ABCF1: variants seen among roughly 807,000 people sequenced by gnomAD.
The protein encoded by ABCF1 is ATP-binding cassette sub-family F member 1.
A neutral mutation model predicts 126.3 loss-of-function variants in ABCF1; 73 were observed. The ratio of observed to expected loss-of-function variants is 0.58; its 90% confidence interval spans 0.48 to 0.70. The LOEUF (loss-of-function observed/expected upper bound fraction) is 0.70. Among genes scored for constraint, ABCF1 ranks in the 30% least tolerant of loss-of-function variants. The probability of loss-of-function intolerance (pLI) is 0.00; values close to 1 mark genes in which losing one functional copy is unlikely to be tolerated. For missense variants in ABCF1, 786 were observed against 1,057.5 expected (o/e 0.74, Z 3.56); for synonymous variants, 345 against 396.4 (o/e 0.87, Z 1.54).
intron 7 of ABCF1, 34 bp from the exon 8 acceptor site, chr6:30,580,372 A>C (rs1336909922): frequency 5.7e-6 from 8 of 1,393,056 alleles, no homozygotes; most frequent in East Asian, 2.7e-5. Flanking sequence ...AAAAAAAAAA[A>C]AACATTTCAT....
At chr6:30,571,686 C>A in intron 1 of ABCF1, 126 bp downstream of exon 1, 1 of 1,059,058 alleles carries the variant, frequency 9.4e-7, no homozygotes, top group Non-Finnish European at 1.4e-6. Flanking sequence ...CGCATGCGTG[C>A]CGTGGGCCCG....
intron 14 of ABCF1, 23 bp from the exon 15 acceptor site, chr6:30,585,237 G>C: frequency 6.2e-7 from 1 of 1,606,296 alleles, no homozygotes; most frequent in Non-Finnish European, 8.5e-7. Context: ...CCCTGACCCT[G>C]CCCTCTGCTA....
At position 30,586,492 on chromosome 6, in the gene ABCF1, A is replaced by G; in HGVS notation, c.1904A>G (p.Gln635Arg). The change falls in exon 19 of 25, where the codon CAG (glutamine) becomes CGG (arginine). Residue 635 changes from glutamine to arginine, a missense_variant. Physicochemically the swap from Gln to Arg is conservative, Grantham distance 43. Around this residue, in one of 4 missense-constraint regions of ABCF1, gnomAD observed 288 missense variants for 423.5 expected, o/e 0.68. Coordinates refer to ENST00000326195, the MANE Select transcript of ABCF1 (RefSeq NM_001025091.2). This position sits in a 1 kb window ranked among gnomAD's most constrained non-coding sequence, Gnocchi z 4.9. ...CTTTCAGGTGTGACATTCGGCTACCAGGGACAGAAACCACTCTTTAAGAAC... is the reference window on the plus strand; with the variant it reads ...CTTTCAGGTGTGACATTCGGCTACCGGGGACAGAAACCACTCTTTAAGAAC... Reference protein sequence around the residue: ...LGLHGVTFGYQGQKPLFKNLD... With the variant: ...LGLHGVTFGYRGQKPLFKNLD... The G allele has an allele frequency of 6.2e-7, 1 of 1,613,558 alleles. No individual in the cohort carries two copies. The highest frequency in any genetic ancestry group is 8.5e-7 in the Non-Finnish European group (1 of 1,180,024).
At chr6:30,578,675 G>T (rs1801645153) in intron 6 of ABCF1, 98 bp downstream of exon 6, 2 of 1,074,768 alleles carry the variant, frequency 1.9e-6, no homozygotes, top group Non-Finnish European at 2.8e-6. Context: ...TTCTCGGTCT[G>T]TCTTACTTAT....
Position 30,578,106 on chromosome 6 carries a change from A to G in ABCF1, c.247A>G (p.Arg83Gly). Residue 83 changes from arginine to glycine, a missense_variant, in exon 4 of 25, where the codon AGG becomes GGG. Arg to Gly is a moderately radical substitution (Grantham distance 125, BLOSUM62 -2). This residue lies in a region of ABCF1 where 322 missense variants were observed against 322.9 expected (regional missense o/e 1.00). Transcript: ENST00000326195. ...QKKKRDTRKG[R>G]RKKDVDDDGE... is the part of the protein sequence containing the mutation. ...AAAAAAGCGAGATACCCGAAAAGGC[A>G]GGCGGAAGAAGGATGTGGATGATGA... is the stretch of plus-strand genomic sequence containing the variant. The G allele has an allele frequency of 6.2e-7, 1 of 1,614,060 alleles. No individual in the cohort carries two copies. The highest frequency in any genetic ancestry group is 1.3e-5 in the African/African-American group (1 of 75,010).
In ABCF1 at chr6:30,584,076, G is replaced by A; in HGVS notation, c.1103-116G>A. 1 of 1,466,066 alleles carries A rather than the reference G, an allele frequency of 6.8e-7. No individual in the cohort carries two copies. The allele number at this position is 1,466,066 out of a possible 1,614,324, so 90.8% of individuals were successfully genotyped here. ...TGAGGAACTTGAGAGTGTTTTATTTGGAACAAGTACAAAGAGCTGGGCAGG... is the reference window on the plus strand; with the variant it reads ...TGAGGAACTTGAGAGTGTTTTATTTAGAACAAGTACAAAGAGCTGGGCAGG... On this transcript the variant is annotated intron_variant, in intron 12 of 24. Coordinates refer to ENST00000326195, the MANE Select transcript of ABCF1 (RefSeq NM_001025091.2). The surrounding 1 kb of genome is among the most constrained non-coding windows in gnomAD (Gnocchi z 4.6).
intron 20 of ABCF1, among the ~76,000 whole-genome samples, chr6:30,587,517 C>G (rs986896640): frequency 1.3e-5 from 2 of 151,774 alleles, no homozygotes; most frequent in Non-Finnish European, 2.9e-5. Flanking sequence ...GCCTGTAATC[C>G]CAGCTATTTT....
rs1801934079 is a variant in ABCF1 at position 30,583,444 on chromosome 6, C to T, written c.916-164C>T. Reference sequence around the variant, plus strand: ...TGCATGGGGCTCCCATTACAGGCAGCGAACAGGGCGGGGACCGGCTGTGGG... The same window carrying T: ...TGCATGGGGCTCCCATTACAGGCAGTGAACAGGGCGGGGACCGGCTGTGGG... On this transcript the variant is annotated intron_variant, in intron 10 of 24. Coordinates refer to ENST00000326195, the MANE Select transcript of ABCF1 (RefSeq NM_001025091.2). This position sits in a 1 kb window ranked among gnomAD's most constrained non-coding sequence, Gnocchi z 4.1. Among the ~76,000 whole-genome samples, 1 of 152,160 alleles carries T rather than the reference C, an allele frequency of 6.6e-6. No homozygotes were observed. The highest frequency in any genetic ancestry group is 2.4e-5 in the African/African-American group (1 of 41,426).
chr6:30,587,888 A>G (rs1345238470), intron 20 of ABCF1, among the ~76,000 whole-genome samples: 1 of 144,156 alleles, frequency 6.9e-6, no homozygotes, highest in Non-Finnish European at 1.5e-5. Context: ...AAAAATCTGG[A>G]GATAACCAGT....
chr6:30,585,734 G>A, intron 16 of ABCF1, 52 bp downstream of exon 16: 1 of 1,604,842 alleles, frequency 6.2e-7, no homozygotes, highest in Non-Finnish European at 8.5e-7. Context: ...TCGAAAAGAG[G>A]CCTGAGTGGG....
chr6:30,588,486 C>T (rs758352029), intron 20 of ABCF1, among the ~76,000 whole-genome samples: 17 of 152,070 alleles, frequency 1.1e-4, no homozygotes, highest in Admixed American at 8.5e-4. Flanking sequence ...CTTAGCCTCC[C>T]GAGTAGCTGG....
intron 6 of ABCF1, among the ~76,000 whole-genome samples, chr6:30,578,856 C>T (rs1801654006): frequency 1.3e-5 from 2 of 151,990 alleles, no homozygotes; most frequent in Admixed American, 1.3e-4. Context: ...AAAAATTAGC[C>T]AGGCGTGGTG....
At chr6:30,587,333 A>G (rs1042005977) in intron 20 of ABCF1, among the ~76,000 whole-genome samples, 3 of 151,766 alleles carry the variant, frequency 2.0e-5, no homozygotes, top group African/African-American at 7.3e-5. Context: ...CAGGCAGATC[A>G]CTTGAGCTTA....
At chr6:30,571,928 T>C (rs563875985) in intron 1 of ABCF1, among the ~76,000 whole-genome samples, 149 of 152,174 alleles carry the variant, frequency 9.8e-4, no homozygotes, top group African/African-American at 3.2e-3. Context: ...CCCTTCCCCC[T>C]GCGCGCGCAT....
In ABCF1 at chr6:30,586,767, T is replaced by C; in HGVS notation, c.2031+56T>C. On this transcript the variant is annotated intron_variant, in intron 20 of 24. Transcript: ENST00000326195. The surrounding 1 kb of genome is among the most constrained non-coding windows in gnomAD (Gnocchi z 4.9). ...GAGAAATGTGAAGACACAGCTGCTT[T>C]TGCCAGAAGCTGGAATCAGGGAGCC... is the stretch of plus-strand genomic sequence containing the variant. 1 of 1,582,670 alleles carries C rather than the reference T, an allele frequency of 6.3e-7. No individual in the cohort carries two copies.
intron 1 of ABCF1, among the ~76,000 whole-genome samples, chr6:30,575,325 C>G (rs1011034291): frequency 6.6e-6 from 1 of 151,714 alleles, no homozygotes; most frequent in African/African-American, 2.4e-5. Flanking sequence ...ACCTTGGCCT[C>G]CCAATGTGCT....
chr6:30,583,822 T>C lies in ABCF1; in HGVS notation c.1034T>C (p.Leu345Pro). The C allele has an allele frequency of 6.2e-7, 1 of 1,613,994 alleles. No individual in the cohort carries two copies. The highest frequency in any genetic ancestry group is 8.5e-7 in the Non-Finnish European group (1 of 1,179,982). ...TTCCCCAGCAAGGGCAAGACCACAC[T>C]CCTCAAGCACATTGCCAACCGAGCC... The part of the protein sequence containing the change: ...VGPNGKGKTT[L>P]LKHIANRALS... The change falls in exon 12 of 25, where the codon CTC becomes CCC. Residue 345 changes from leucine (L) to proline (P), a missense_variant. This residue lies in a region of ABCF1 where 163 missense variants were observed against 255.3 expected (regional missense o/e 0.64). Coordinates refer to ENST00000326195, the MANE Select transcript of ABCF1 (RefSeq NM_001025091.2). The surrounding 1 kb of genome is among the most constrained non-coding windows in gnomAD (Gnocchi z 4.1).
chr6:30,588,396 C>G (rs1802266363), intron 20 of ABCF1, among the ~76,000 whole-genome samples: 1 of 151,666 alleles, frequency 6.6e-6, no homozygotes, highest in South Asian at 2.1e-4. Flanking sequence ...GAGTCTCACT[C>G]TGTCACCCAG....
At chr6:30,577,548 G>A in intron 2 of ABCF1, 93 bp downstream of exon 2, 1 of 1,451,554 alleles carries the variant, frequency 6.9e-7, no homozygotes, top group Non-Finnish European at 9.5e-7. Context: ...TCCAAGGGAG[G>A]AGAAAAGATC....
Sources: gnomAD v4.1 joint callset for allele counts (sites outside exome capture counted in the v4.1 genomes callset) on GRCh38, gnomAD v4.1.1 for gene constraint, gnomAD v4.1.1 regional missense constraint, Gnocchi (gnomAD v3.1) non-coding constraint, MANE v1.5 for transcripts, NCBI Gene and HGNC (gene_info 2026-07-23, HGNC 2026-07-21) for gene names.